The following STK3 variants were observed in gnomAD, a reference collection of about 807,000 sequenced individuals.
The protein encoded by STK3 is serine/threonine kinase 3.
STK3 carries 41 observed loss-of-function variants against 58.0 expected under a neutral mutation model. The observed-to-expected ratio is 0.71, with a 90% CI of 0.55 to 0.92. The LOEUF (loss-of-function observed/expected upper bound fraction) is 0.92. STK3 is among the 40% of genes least tolerant of loss of function. STK3 has a pLI of 0.00. For missense variants in STK3, 479 were observed against 602.7 expected, an observed-to-expected ratio of 0.79 and a Z score of 2.15; for synonymous variants, 170 against 191.0, an observed-to-expected ratio of 0.89 and a Z score of 0.91.
chr8:98,764,270 G>A (rs1375997130), intron 3 of STK3, among the ~76,000 whole-genome samples: 1 of 152,128 alleles, frequency 6.6e-6, no homozygotes, highest in African/African-American at 2.4e-5. Flanking sequence ...AGCTTAAAGT[G>A]CATAACAAGA....
intron 3 of STK3, among the ~76,000 whole-genome samples, chr8:98,418,244 T>G (rs1003067418): frequency 6.6e-6 from 1 of 152,222 alleles, no homozygotes. Context: ...AACTGATCAC[T>G]TTGATGGACC....
chr8:98,799,771 T>C lies in STK3; in HGVS notation c.27-24952A>G, dbSNP rs1373879695. 2.0e-5 allele frequency among the ~76,000 whole-genome samples: 3 copies of C among 152,182 alleles called. No homozygotes were observed. The East Asian group carries it at 5.8e-4, about 29-fold the overall frequency. On this transcript the variant is annotated intron_variant, in intron 1 of 10. Transcript: ENST00000419617. ...TACAGGAACCGGAAGAGCCAGTTTATCTACTTCATTATCCTACTACCACAC... is the reference window on the plus strand; with the variant it reads ...TACAGGAACCGGAAGAGCCAGTTTACCTACTTCATTATCCTACTACCACAC...
intron 2 of STK3, among the ~76,000 whole-genome samples, chr8:98,374,488 T>C (rs7834444): frequency 0.63 from 96,162 of 152,204 alleles, 31,175 homozygotes; most frequent in Non-Finnish European, 0.69. Context: ...AATGTGAACA[T>C]TGATTTCTGG....
chr8:98,573,936 AG>A (rs770673060), intron 8 of STK3, among the ~76,000 whole-genome samples: 10 of 151,990 alleles, frequency 6.6e-5, no homozygotes, highest in Non-Finnish European at 1.2e-4. Flanking sequence ...CCGAGCAAAG[AG>A]GGAAAAGCCC....
intron 10 of STK3, among the ~76,000 whole-genome samples, chr8:98,496,501 A>G (rs1330422288): frequency 6.6e-6 from 1 of 152,200 alleles, no homozygotes; most frequent in Admixed American, 6.5e-5. Flanking sequence ...ATTGATCTAC[A>G]GAATCTAGAG....
intron 10 of STK3, among the ~76,000 whole-genome samples, chr8:98,469,266 C>A (rs796596952): frequency 1.4e-5 from 2 of 138,678 alleles, no homozygotes; most frequent in South Asian, 2.2e-4. Flanking sequence ...GGCGGGGGGG[C>A]GGTCTGAGAA....
intron 6 of STK3, among the ~76,000 whole-genome samples, chr8:98,605,585 C>T (rs1356854675): frequency 6.6e-6 from 1 of 152,042 alleles, no homozygotes; most frequent in Non-Finnish European, 1.5e-5. Context: ...CTGTCTTCGC[C>T]CTGCCCCCAG....
intron 6 of STK3, among the ~76,000 whole-genome samples, chr8:98,703,214 TGAGTTGG>T (rs1254127204): frequency 2.6e-5 from 4 of 152,194 alleles, no homozygotes; most frequent in African/African-American, 9.7e-5. Flanking sequence ...CCACTTGCAC[TGAGTTGG>T]GATATTAACA....
At chr8:98,865,096 C>T (rs1837085295) in intron 3 of STK3, among the ~76,000 whole-genome samples, 1 of 152,132 alleles carries the variant, frequency 6.6e-6, no homozygotes, top group African/African-American at 2.4e-5. Context: ...GCATTTATTA[C>T]TGTAGAAGAA....
chr8:98,423,321 A>G (rs988185023), intron 3 of STK3, among the ~76,000 whole-genome samples: 2 of 152,232 alleles, frequency 1.3e-5, no homozygotes, highest in African/African-American at 2.4e-5. Flanking sequence ...GAGTGGCAAG[A>G]AGGGGCCTGC....
chr8:98,445,912 C>T lies in STK3; in HGVS notation n.186-8704G>A, dbSNP rs540436771. ...AAAGGCACCAGAAAATAGGCTAGCT[C>T]CAACTGGTGTTAATTTATCTGGAAA... On this transcript the variant is annotated intron_variant and non_coding_transcript_variant, in intron 1 of 3. Transcript: ENST00000517832. Among the ~76,000 whole-genome samples the T allele has an allele frequency of 4.3e-4, 66 of 152,288 alleles. 1 individual carries two copies. Among genetic ancestry groups the T allele is most frequent in the Admixed American group, 3.7e-3 (56 of 15,284 alleles).
chr8:98,737,943 C>G (rs1349363650), intron 4 of STK3, among the ~76,000 whole-genome samples: 1 of 152,140 alleles, frequency 6.6e-6, no homozygotes, highest in African/African-American at 2.4e-5. Flanking sequence ...CTCCTGACCT[C>G]AGGTGATCCA....
chr8:98,919,009 C>G (rs1479954693), intron 1 of STK3, among the ~76,000 whole-genome samples: 1 of 151,792 alleles, frequency 6.6e-6, no homozygotes, highest in African/African-American at 2.4e-5. Flanking sequence ...GGGCTCAAAA[C>G]AGTGAGAATG....
chr8:98,645,391 C>G (rs1417958549), intron 6 of STK3, among the ~76,000 whole-genome samples: 1 of 152,134 alleles, frequency 6.6e-6, no homozygotes, highest in Non-Finnish European at 1.5e-5. Context: ...CTTAAAGGAA[C>G]ACACAAGGCC....
intron 8 of STK3, among the ~76,000 whole-genome samples, chr8:98,577,308 G>A (rs1813489097): frequency 6.6e-6 from 1 of 152,072 alleles, no homozygotes; most frequent in Admixed American, 6.6e-5. Flanking sequence ...CCAATATGAT[G>A]AAACCTGGTC....
chr8:98,410,058 C>T (rs1818038406), intron 3 of STK3, among the ~76,000 whole-genome samples: 1 of 151,946 alleles, frequency 6.6e-6, no homozygotes, highest in African/African-American at 2.4e-5. Context: ...CTAATTTGGG[C>T]TGTTAGAAAA....
chr8:98,443,960 C>T (rs1818796195), intron 1 of STK3, among the ~76,000 whole-genome samples: 1 of 152,042 alleles, frequency 6.6e-6, no homozygotes, highest in Non-Finnish European at 1.5e-5. Flanking sequence ...ATTTCTTAAC[C>T]ATTTGCTTAG....
intron 1 of STK3, among the ~76,000 whole-genome samples, chr8:98,440,822 G>A (rs956653957): frequency 6.6e-5 from 10 of 152,114 alleles, no homozygotes; most frequent in African/African-American, 1.9e-4. Flanking sequence ...AATTTTCACT[G>A]GTACATGAGG....
At chr8:98,596,279 T>A in intron 6 of STK3, 110 bp from the exon 7 acceptor site, 1 of 1,316,926 alleles carries the variant, frequency 7.6e-7, no homozygotes, top group Non-Finnish European at 1.0e-6. Context: ...AAAACAAATT[T>A]AAGCTGTTCT....
Sources: gnomAD v4.1 joint callset for allele counts (sites outside exome capture counted in the v4.1 genomes callset) on GRCh38, gnomAD v4.1.1 for gene constraint, MANE v1.5 for transcripts, NCBI Gene and HGNC (gene_info 2026-07-23, HGNC 2026-07-21) for gene names.